Variants in KCNG3 observed in about 807,000 individuals in gnomAD.
The protein encoded by KCNG3 is voltage-gated potassium channel regulatory subunit KCNG3.
KCNG3 carries 15 observed loss-of-function variants against 29.0 expected under a neutral mutation model. The observed-to-expected ratio is 0.52, with a 90% confidence interval of 0.35 to 0.80. The LOEUF is 0.80. Among genes scored for constraint, KCNG3 ranks in the 30% least tolerant of loss-of-function variants. The pLI is 0.01. For synonymous variants in KCNG3, 322 were observed against 248.9 expected, an observed-to-expected ratio of 1.29 and a Z score of -2.76; for missense variants, 512 against 605.7, an observed-to-expected ratio of 0.85 and a Z score of 1.62.
chr2:42,436,939 A>T, the KCNG3 span, among the ~76,000 whole-genome samples: 2 of 152,178 alleles, frequency 1.3e-5, no homozygotes, highest in Non-Finnish European at 1.5e-5. Flanking sequence ...AATTTTTTTT[A>T]AAATCTCCTT....
the KCNG3 span, among the ~76,000 whole-genome samples, chr2:42,403,316 A>G: frequency 1.3e-4 from 20 of 151,232 alleles, no homozygotes. Context: ...TAATTTTTGT[A>G]TTTTTTTCTG....
chr2:42,397,056 C>T, the KCNG3 span, among the ~76,000 whole-genome samples: 1 of 152,082 alleles, frequency 6.6e-6, no homozygotes, highest in East Asian at 1.9e-4. Context: ...ACCAGCTTGG[C>T]CAACATGGCG....
intron 1 of KCNG3, among the ~76,000 whole-genome samples, chr2:42,445,158 C>G (rs61454277): frequency 0.034 from 5,191 of 151,206 alleles, 272 homozygotes; most frequent in African/African-American, 0.11. Flanking sequence ...TTACTTGTCA[C>G]TAATACTTTT....
chr2:42,414,384 T>C, the KCNG3 span, among the ~76,000 whole-genome samples: 3 of 152,220 alleles, frequency 2.0e-5, no homozygotes, highest in African/African-American at 4.8e-5. Context: ...GAAGTTGTTA[T>C]TTCATTGTTT....
At chr2:42,394,514 A>C in the KCNG3 span, among the ~76,000 whole-genome samples, 18 of 152,150 alleles carry the variant, frequency 1.2e-4, no homozygotes, top group Admixed American at 9.8e-4. Flanking sequence ...TTTTCTGTGA[A>C]AGGAAAATAA....
intron 1 of KCNG3, among the ~76,000 whole-genome samples, chr2:42,487,981 T>G (rs1328209255): frequency 1.3e-5 from 2 of 152,244 alleles, no homozygotes; most frequent in African/African-American, 4.8e-5. Context: ...GTTTCAGGAC[T>G]GTGTATTACA....
intron 1 of KCNG3, chr2:42,463,273 T>A (rs1029883131): frequency 2.6e-5 from 6 of 229,044 alleles, no homozygotes; most frequent in Admixed American, 1.4e-4. Flanking sequence ...AGGCTAGGGT[T>A]GTACACTTTA....
At chr2:42,474,257 G>C (rs183236912) in intron 1 of KCNG3, among the ~76,000 whole-genome samples, 223 of 152,182 alleles carry the variant, frequency 1.5e-3, no homozygotes, top group African/African-American at 5.1e-3. Context: ...GCCAGGCATG[G>C]TGGCTCATAC....
chr2:42,413,025 A>G, the KCNG3 span, among the ~76,000 whole-genome samples: 1 of 152,134 alleles, frequency 6.6e-6, no homozygotes, highest in Non-Finnish European at 1.5e-5. Flanking sequence ...GCTGGAGTGC[A>G]GTGGTGCAAT....
chr2:42,475,555 C>A (rs1673403589), intron 1 of KCNG3, among the ~76,000 whole-genome samples: 2 of 151,468 alleles, frequency 1.3e-5, no homozygotes, highest in African/African-American at 4.9e-5. Flanking sequence ...GTCTCGAACT[C>A]CTGGCCTCAA....
At chr2:42,477,607 G>A (rs1354488799) in intron 1 of KCNG3, among the ~76,000 whole-genome samples, 2 of 151,692 alleles carry the variant, frequency 1.3e-5, no homozygotes, top group African/African-American at 4.8e-5. Context: ...GGTCGGACAT[G>A]GTGGCTCAGA....
At chr2:42,477,386 T>C (rs12999223) in intron 1 of KCNG3, among the ~76,000 whole-genome samples, 74,664 of 102,028 alleles carry the variant, frequency 0.73, 25,949 homozygotes, top group Non-Finnish European at 0.78. Flanking sequence ...CACACATATA[T>C]ATACACACAC....
intron 1 of KCNG3, among the ~76,000 whole-genome samples, chr2:42,481,973 C>T (rs1039116224): frequency 8.5e-5 from 13 of 152,148 alleles, no homozygotes; most frequent in Non-Finnish European, 1.9e-4. Flanking sequence ...TTCTCTAATC[C>T]CATGAAAGAT....
intron 1 of KCNG3, chr2:42,463,913 G>C (rs76188723): frequency 6.4e-6 from 2 of 313,020 alleles, no homozygotes; most frequent in East Asian, 1.2e-4. Context: ...TTCAAATCAA[G>C]TTTTATTAAG....
the KCNG3 span, among the ~76,000 whole-genome samples, chr2:42,436,093 A>T: frequency 6.6e-6 from 1 of 152,272 alleles, no homozygotes. Flanking sequence ...AACATGGATG[A>T]ACTTTGAAAA....
intron 1 of KCNG3, among the ~76,000 whole-genome samples, chr2:42,488,917 T>A (rs1673803282): frequency 6.6e-6 from 1 of 152,070 alleles, no homozygotes. Flanking sequence ...AAATGTTATA[T>A]AAACAATAGA....
chr2:42,425,864 G>C, the KCNG3 span, among the ~76,000 whole-genome samples: 2 of 152,186 alleles, frequency 1.3e-5, no homozygotes. Flanking sequence ...TTATTGCAAA[G>C]TGAAGTTTTG....
intron 1 of KCNG3, among the ~76,000 whole-genome samples, chr2:42,451,284 T>C (rs1672747160): frequency 6.6e-6 from 1 of 151,214 alleles, no homozygotes; most frequent in Non-Finnish European, 1.5e-5. Flanking sequence ...TAGAATAGCA[T>C]TTTTTTGTGT....
At chr2:42,419,219 C>CTCT in the KCNG3 span, among the ~76,000 whole-genome samples, 2 of 27,712 alleles carry the variant, frequency 7.2e-5, no homozygotes, top group Non-Finnish European at 6.7e-5. Context: ...GATGGTATCT[C>CTCT]TTTTTTTTTT....
Sources: allele counts gnomAD v4.1 joint callset (sites outside exome capture counted in the v4.1 genomes callset), GRCh38; gene constraint gnomAD v4.1.1; transcripts MANE v1.5; gene names NCBI Gene and HGNC (gene_info 2026-07-23, HGNC 2026-07-21).